The following ADGRB3 variants were observed in gnomAD, a reference collection of about 807,000 sequenced individuals.
ADGRB3 encodes the protein adhesion G protein-coupled receptor B3.
Under a neutral mutation model 193.4 loss-of-function variants are expected in ADGRB3, and 37 were observed. That is an observed-to-expected ratio of 0.19 (90% CI 0.15 to 0.25). The LOEUF is 0.25. Among genes scored for constraint, ADGRB3 ranks in the 10% least tolerant of loss-of-function variants. The pLI is 1.00. For missense variants in ADGRB3, 1,637 were observed against 1,852.9 expected, an observed-to-expected ratio of 0.88 and a Z score of 2.14; for synonymous variants, 690 against 644.2, an observed-to-expected ratio of 1.07 and a Z score of -1.08.
chr6:69,094,742 T>G (rs1476248282), intron 17 of ADGRB3, among the ~76,000 whole-genome samples: 2 of 152,172 alleles, frequency 1.3e-5, no homozygotes, highest in Non-Finnish European at 2.9e-5. Flanking sequence ...AATAAAAAAA[T>G]TAAAATCTCT....
intron 10 of ADGRB3, among the ~76,000 whole-genome samples, chr6:68,982,571 T>TATCA (rs903256904): frequency 1.1e-4 from 17 of 152,294 alleles, no homozygotes; most frequent in African/African-American, 4.1e-4. Context: ...CTTCAAAATC[T>TATCA]ATCAACTGTC....
At chr6:69,331,996 T>C (rs1327431120) in intron 23 of ADGRB3, 1 of 985,238 alleles carries the variant, frequency 1.0e-6, no homozygotes, top group African/African-American at 1.7e-5. Context: ...ACTGGACACA[T>C]TTTAGCTTTA....
Position 69,048,202 on chromosome 6 carries a change from C to T in ADGRB3, c.2125C>T (p.Leu709Phe). The change falls in exon 14 of 32, where the codon CTT becomes TTT. Residue 709 changes from leucine to phenylalanine, a missense_variant. By Grantham distance (22) the Leu-to-Phe change is conservative (BLOSUM62 0). Around this residue, in one of 7 missense-constraint regions of ADGRB3, gnomAD observed 641 missense variants for 673.9 expected, o/e 0.95. Coordinates refer to ENST00000370598, the MANE Select transcript of ADGRB3 (RefSeq NM_001704.3). Reference protein sequence around the residue: ...TGNVVASIQKLPAASVLTDIN... With the variant: ...TGNVVASIQKFPAASVLTDIN... ...TTTAATAGTGGCTAGTATTCAGAAG[C>T]TTCCTGCAGCCTCTGTTCTAACAGA... 1 of 1,612,028 alleles carries T rather than the reference C, an allele frequency of 6.2e-7. No homozygotes were observed. The highest frequency in any genetic ancestry group is 8.5e-7 in the Non-Finnish European group (1 of 1,179,332).
intron 17 of ADGRB3, among the ~76,000 whole-genome samples, chr6:69,198,296 C>G (rs904675152): frequency 6.6e-6 from 1 of 151,976 alleles, no homozygotes; most frequent in Non-Finnish European, 1.5e-5. Context: ...TGAAATGAGC[C>G]AGGTGCTGTG....
At chr6:69,325,782 T>C (rs904511587) in intron 21 of ADGRB3, among the ~76,000 whole-genome samples, 3 of 152,216 alleles carry the variant, frequency 2.0e-5, no homozygotes, top group Non-Finnish European at 4.4e-5. Flanking sequence ...AATTCCAGAA[T>C]TATTTAGGCT....
chr6:69,160,238 C>A (rs1774946324), intron 17 of ADGRB3, among the ~76,000 whole-genome samples: 1 of 152,112 alleles, frequency 6.6e-6, no homozygotes, highest in Admixed American at 6.6e-5. Flanking sequence ...GTCTTCCCAT[C>A]CCATGCAGAG....
At chr6:69,083,402 A>G in intron 17 of ADGRB3, among the ~76,000 whole-genome samples, 1 of 152,170 alleles carries the variant, frequency 6.6e-6, no homozygotes. Context: ...TCATTTGACA[A>G]ATGTTTCTTG....
At chr6:68,816,418 G>T (rs919950221) in intron 3 of ADGRB3, among the ~76,000 whole-genome samples, 2 of 151,786 alleles carry the variant, frequency 1.3e-5, no homozygotes, top group Middle Eastern at 3.2e-3. Flanking sequence ...CTCTACAGGG[G>T]TGCAAAAATA....
intron 20 of ADGRB3, among the ~76,000 whole-genome samples, chr6:69,266,163 T>C (rs1283864311): frequency 1.3e-5 from 2 of 151,990 alleles, no homozygotes; most frequent in African/African-American, 4.8e-5. Context: ...AAAAATATGG[T>C]TCACAGCCAG....
intron 17 of ADGRB3, among the ~76,000 whole-genome samples, chr6:69,134,486 A>G (rs1032062822): frequency 2.0e-4 from 31 of 152,222 alleles, no homozygotes; most frequent in African/African-American, 7.0e-4. Context: ...ACTTCCCTGT[A>G]ATCCCCATAG....
At chr6:69,304,937 A>T (rs931561099) in intron 20 of ADGRB3, among the ~76,000 whole-genome samples, 3 of 151,538 alleles carry the variant, frequency 2.0e-5, no homozygotes, top group Non-Finnish European at 2.9e-5. Flanking sequence ...AACATTTAGG[A>T]TGAAGTTTAG....
chr6:68,804,646 AC>A (rs1767370940), intron 3 of ADGRB3, among the ~76,000 whole-genome samples: 1 of 152,100 alleles, frequency 6.6e-6, no homozygotes, highest in South Asian at 2.1e-4. Flanking sequence ...TATCATGTGA[AC>A]CTGGAAAATA....
In ADGRB3 at chr6:68,710,376, G is replaced by T. The variant is rs567006735; in HGVS notation, c.757+70944G>T. Among the ~76,000 whole-genome samples the T allele has an allele frequency of 2.6e-5, 4 of 152,056 alleles. No homozygotes were observed. The East Asian group carries it at 7.8e-4, about 29-fold the overall frequency. On this transcript the variant is annotated intron_variant, in intron 3 of 31. Coordinates refer to ENST00000370598, the MANE Select transcript of ADGRB3 (RefSeq NM_001704.3). ...TCTGCTGCAGCTCTTATTTTGGGTA[G>T]TTCTCACTCTTCTGCTCCTGCCTTT...
At chr6:68,811,300 T>A (rs1767507917) in intron 3 of ADGRB3, among the ~76,000 whole-genome samples, 1 of 152,186 alleles carries the variant, frequency 6.6e-6, no homozygotes, top group African/African-American at 2.4e-5. Flanking sequence ...TATAAATCCA[T>A]TGAGATTTCT....
At chr6:68,646,465 G>A (rs1218886142) in intron 3 of ADGRB3, among the ~76,000 whole-genome samples, 5 of 117,322 alleles carry the variant, frequency 4.3e-5, no homozygotes, top group Middle Eastern at 6.5e-3. Flanking sequence ...CAACAAGAGC[G>A]AAACTCTGTC....
chr6:69,248,836 T>A (rs1480448704), intron 20 of ADGRB3, among the ~76,000 whole-genome samples: 1 of 152,208 alleles, frequency 6.6e-6, no homozygotes, highest in African/African-American at 2.4e-5. Flanking sequence ...ATGCTTTATG[T>A]AAAAATAACC....
At chr6:69,000,190 A>T (rs11966591) in intron 11 of ADGRB3, among the ~76,000 whole-genome samples, 3,100 of 151,646 alleles carry the variant, frequency 0.02, 87 homozygotes, top group African/African-American at 0.063. Context: ...TAGTTTCTGT[A>T]AAAAAAAGAA....
chr6:68,994,218 A>G (rs1769322028), intron 11 of ADGRB3, among the ~76,000 whole-genome samples: 4 of 152,158 alleles, frequency 2.6e-5, no homozygotes. Flanking sequence ...TTGAGCCCCC[A>G]GATAAAAGGC....
At chr6:68,743,740 T>A (rs1478903653) in intron 3 of ADGRB3, among the ~76,000 whole-genome samples, 1 of 152,096 alleles carries the variant, frequency 6.6e-6, no homozygotes, top group African/African-American at 2.4e-5. Context: ...ACAAGTAAAT[T>A]TCTGTTGAGA....
Sources: allele counts gnomAD v4.1 joint callset (sites outside exome capture counted in the v4.1 genomes callset), GRCh38; gene constraint gnomAD v4.1.1; regional missense constraint gnomAD v4.1.1; transcripts MANE v1.5; gene names NCBI Gene and HGNC (gene_info 2026-07-23, HGNC 2026-07-21).